The following PRKAG2 variants were observed in gnomAD, a reference collection of about 807,000 sequenced individuals.
PRKAG2 encodes the protein 5'-AMP-activated protein kinase subunit gamma-2.
Under a neutral mutation model 69.6 loss-of-function variants are expected in PRKAG2, and 26 were observed. The ratio of observed to expected loss-of-function variants is 0.37; its 90% CI spans 0.27 to 0.52. PRKAG2 has a LOEUF of 0.52. Among genes scored for constraint, PRKAG2 ranks in the 20% least tolerant of loss-of-function variants. The pLI is 0.90. For missense variants in PRKAG2, 557 were observed against 740.0 expected (o/e 0.75, Z 2.87); for synonymous variants, 293 against 285.0 (o/e 1.03, Z -0.28).
intron 2 of PRKAG2, 89 bp downstream of exon 2, chr7:151,786,381 G>T: frequency 1.5e-6 from 2 of 1,297,960 alleles, no homozygotes; most frequent in Non-Finnish European, 1.1e-6. Flanking sequence ...GCGTGAGGGT[G>T]AACACACAGG....
rs533118339 is a variant in PRKAG2, at chr7:151,646,711, TATC to T, written c.685-14576_685-14574del. 1.6e-3 allele frequency among the ~76,000 whole-genome samples: 240 copies of T among 152,360 alleles called. 3 individuals are homozygous for T. The highest frequency in any genetic ancestry group is 0.012 in the South Asian group (58 of 4,828). On this transcript the variant is annotated intron_variant, in intron 4 of 15. Transcript: ENST00000287878. ...CATAACTCTGATTCTTATCAAAATG[TATC>T]ATTTTAGTTATTCCTTGGCTCATAC...
chr7:151,725,311 C>T (rs796883165), intron 3 of PRKAG2, among the ~76,000 whole-genome samples: 13 of 152,016 alleles, frequency 8.6e-5, no homozygotes, highest in South Asian at 6.3e-4. Flanking sequence ...TGTCTGATTC[C>T]GCTGACGAGA....
chr7:151,845,349 C>G (rs2079405650), intron 1 of PRKAG2, among the ~76,000 whole-genome samples: 1 of 152,170 alleles, frequency 6.6e-6, no homozygotes, highest in South Asian at 2.1e-4. Context: ...CAACTCCTGG[C>G]CCAGTGGTCC....
intron 5 of PRKAG2, among the ~76,000 whole-genome samples, chr7:151,624,787 C>T (rs893243526): frequency 2.0e-5 from 3 of 152,166 alleles, no homozygotes; most frequent in African/African-American, 7.2e-5. Flanking sequence ...TCACTTCCTC[C>T]GTTGCTCCGC....
At chr7:151,704,297 T>C (rs748770655) in intron 3 of PRKAG2, among the ~76,000 whole-genome samples, 1 of 152,224 alleles carries the variant, frequency 6.6e-6, no homozygotes, top group Non-Finnish European at 1.5e-5. Flanking sequence ...TAGTAGGTCT[T>C]ATTCTTTCTA....
At chr7:151,871,581 C>T (rs2080220781) in intron 1 of PRKAG2, among the ~76,000 whole-genome samples, 1 of 152,232 alleles carries the variant, frequency 6.6e-6, no homozygotes, top group Admixed American at 6.5e-5. Context: ...GGTCCAAGGG[C>T]CACGTTCCCT....
chr7:151,574,545 A>C (rs757599589), intron 8 of PRKAG2, among the ~76,000 whole-genome samples: 2 of 152,230 alleles, frequency 1.3e-5, no homozygotes, highest in Non-Finnish European at 2.9e-5. Context: ...AAGCTCTACC[A>C]CCTCAACAGG....
chr7:151,610,739 CTTTTTTTT>C lies in PRKAG2; in HGVS notation c.755-15293_755-15286del, dbSNP rs10523596. Reference sequence around the variant, plus strand: ...GCATATTATAAATATTTTTTCTTTTCTTTTTTTTTTTTTTTTTTTGAGATGGAGTCTTG... The same window carrying C: ...GCATATTATAAATATTTTTTCTTTTCTTTTTTTTTTTGAGATGGAGTCTTG... On this transcript the variant is annotated intron_variant, in intron 5 of 15. Coordinates refer to ENST00000287878, the MANE Select transcript of PRKAG2 (RefSeq NM_016203.4). Among the ~76,000 whole-genome samples the C allele has an allele frequency of 1.1e-3, 114 of 105,602 alleles. 1 individual carries two copies. Among genetic ancestry groups the C allele is most frequent in the African/African-American group, 3.7e-3 (105 of 28,052 alleles). The allele number at this position is 105,602 out of a possible 152,430, so 69.3% of individuals were successfully genotyped here. A position where few individuals can be genotyped will look rare whatever the true frequency, so the allele number is the denominator to read the frequency against.
chr7:151,612,239 G>A (rs1285684579), intron 5 of PRKAG2, among the ~76,000 whole-genome samples: 4 of 152,136 alleles, frequency 2.6e-5, no homozygotes, highest in African/African-American at 4.8e-5. Flanking sequence ...GAACCTGCCC[G>A]CAGGTTTGGG....
chr7:151,591,898 G>A (rs140610425), intron 6 of PRKAG2, among the ~76,000 whole-genome samples: 228 of 152,204 alleles, frequency 1.5e-3, no homozygotes, highest in Non-Finnish European at 2.5e-3. Context: ...GTTCCTGGCC[G>A]ACTGCACCAG....
intron 3 of PRKAG2, among the ~76,000 whole-genome samples, chr7:151,727,088 G>A (rs1011872431): frequency 7.2e-5 from 11 of 151,954 alleles, no homozygotes; most frequent in Non-Finnish European, 1.5e-4. Context: ...GGTGGTATGC[G>A]CCTGTAATCC....
At chr7:151,819,096 C>G (rs1586663209) in intron 1 of PRKAG2, among the ~76,000 whole-genome samples, 1 of 152,324 alleles carries the variant, frequency 6.6e-6, no homozygotes, top group South Asian at 2.1e-4. Context: ...CAGGCTGCAG[C>G]CCCCTTGGAT....
intron 1 of PRKAG2, among the ~76,000 whole-genome samples, chr7:151,811,591 G>C (rs915639980): frequency 1.1e-4 from 16 of 152,240 alleles, no homozygotes; most frequent in Non-Finnish European, 1.8e-4. Flanking sequence ...AAGGATGTTT[G>C]GTTCAGGCCA....
In PRKAG2 at chr7:151,723,972, T is replaced by C. The variant is rs557572893; in HGVS notation, c.467-48335A>G. On this transcript the variant is annotated intron_variant, in intron 3 of 15. Coordinates refer to ENST00000287878, the MANE Select transcript of PRKAG2 (RefSeq NM_016203.4). Reference sequence around the variant, plus strand: ...TCTGATCAACCCCGGTTCCAGCTGATCTACTGTTCTGTGTAAGAGCAAGTA... The same window carrying C: ...TCTGATCAACCCCGGTTCCAGCTGACCTACTGTTCTGTGTAAGAGCAAGTA... 3.9e-5 allele frequency among the ~76,000 whole-genome samples: 6 copies of C among 152,272 alleles called. No homozygotes were observed. In the East Asian group the frequency reaches 9.7e-4, roughly 25 times the overall value.
intron 7 of PRKAG2, chr7:151,576,067 G>A: frequency 2.5e-6 from 1 of 406,968 alleles, no homozygotes; most frequent in Non-Finnish European, 4.6e-6. Flanking sequence ...GACCTCCTGG[G>A]CTCAAGTGAT....
chr7:151,786,358 G>T, intron 2 of PRKAG2, 112 bp downstream of exon 2: 2 of 1,036,098 alleles, frequency 1.9e-6, no homozygotes, highest in Non-Finnish European at 2.9e-6. Context: ...TGTGCAAGCG[G>T]ACATGCGGGT....
intron 3 of PRKAG2, among the ~76,000 whole-genome samples, chr7:151,744,352 G>A (rs554302926): frequency 1.3e-5 from 2 of 152,236 alleles, no homozygotes; most frequent in South Asian, 2.1e-4. Context: ...CAGCCTTATC[G>A]CCTGGTGAAT....
intron 9 of PRKAG2, among the ~76,000 whole-genome samples, chr7:151,570,517 A>G (rs1324979494): frequency 1.3e-5 from 2 of 152,238 alleles, no homozygotes; most frequent in East Asian, 3.8e-4. Flanking sequence ...ATAAAAGAGC[A>G]ATACCAGCAG....
chr7:151,645,222 A>G (rs1827362017), intron 4 of PRKAG2, among the ~76,000 whole-genome samples: 1 of 152,190 alleles, frequency 6.6e-6, no homozygotes, highest in Admixed American at 6.5e-5. Flanking sequence ...CTATATACAT[A>G]AGACTGTGGC....
Sources: allele counts gnomAD v4.1 joint callset (sites outside exome capture counted in the v4.1 genomes callset), GRCh38; gene constraint gnomAD v4.1.1; transcripts MANE v1.5; gene names NCBI Gene and HGNC (gene_info 2026-07-23, HGNC 2026-07-21).